The following ANKRD42 variants were observed in gnomAD, a reference collection of about 807,000 sequenced individuals.
ANKRD42 encodes the protein ankyrin repeat domain 42, also known as ankyrin repeat domain-containing protein 42.
A neutral mutation model predicts 51.5 loss-of-function variants in ANKRD42; 43 were observed. The observed-to-expected ratio is 0.83, with a 90% CI of 0.65 to 1.08. The LOEUF (loss-of-function observed/expected upper bound fraction) is 1.08. Among genes scored for constraint, ANKRD42 ranks in the 50% least tolerant of loss-of-function variants. ANKRD42 has a pLI of 0.00. For synonymous variants in ANKRD42, 203 were observed against 213.0 expected (o/e 0.95, Z 0.41); for missense variants, 608 against 629.3 (o/e 0.97, Z 0.36).
intron 5 of ANKRD42, chr11:83,213,328 G>A (rs1000267114): frequency 1.8e-5 from 29 of 1,583,936 alleles, no homozygotes; most frequent in African/African-American, 8.1e-5. Context: ...CAAAGCCATC[G>A]TGGAAAGAGC....
downstream of ANKRD42, among the ~76,000 whole-genome samples, chr11:83,257,665 T>C (rs750434347): frequency 6.6e-6 from 1 of 152,172 alleles, no homozygotes; most frequent in Non-Finnish European, 1.5e-5. Flanking sequence ...ACCATTTATC[T>C]TCCCTTCTGG....
intron 5 of ANKRD42, among the ~76,000 whole-genome samples, chr11:83,222,280 A>G (rs1862739415): frequency 6.6e-6 from 1 of 152,176 alleles, no homozygotes; most frequent in South Asian, 2.1e-4. Flanking sequence ...ACCCTCTCAA[A>G]AATTTTTATT....
At chr11:83,256,051 C>A in exon 12 of ANKRD42, 1 of 681,668 alleles carries the variant, frequency 1.5e-6, no homozygotes. Flanking sequence ...TGTTCCAATT[C>A]TGATGGCAGA....
Position 83,206,066 on chromosome 11 carries a change from T to C in ANKRD42, c.231T>C (p.His77=), listed in dbSNP as rs374151942. The C allele has an allele frequency of 5.6e-6, 9 of 1,613,052 alleles. No individual in the cohort carries two copies. The highest frequency in any genetic ancestry group is 4.0e-5 in the African/African-American group (3 of 75,014). The change falls in exon 3 of 11, where the codon CAT becomes CAC. Residue 77 remains histidine (H), a synonymous_variant. Coordinates refer to ENST00000533342, the MANE Select transcript of ANKRD42 (RefSeq NM_001300975.2). The stretch of plus-strand genomic sequence containing the variant: ...CATGGTTATTTTCTTAGTGTCTTCA[T>C]TGGCTGCTCTGGCATGGAGCTGATA... ...AAHSGSLECL[H]WLLWHGADIT...
intron 10 of ANKRD42, 132 bp from the exon 11 acceptor site, chr11:83,247,811 A>G (rs1283796045): frequency 1.2e-6 from 1 of 845,086 alleles, no homozygotes; most frequent in African/African-American, 1.7e-5. Flanking sequence ...TAGACCCTTA[A>G]TACATATTTG....
At chr11:83,238,795 A>G (rs563897852) in intron 8 of ANKRD42, among the ~76,000 whole-genome samples, 46 of 150,874 alleles carry the variant, frequency 3.0e-4, no homozygotes, top group African/African-American at 8.8e-4. Flanking sequence ...GTACCATTGC[A>G]CTCCAGTCTG....
intron 7 of ANKRD42, 87 bp from the exon 8 acceptor site, chr11:83,236,317 A>T: frequency 5.0e-6 from 5 of 995,202 alleles, no homozygotes; most frequent in Non-Finnish European, 7.5e-6. Flanking sequence ...GTACTCTATA[A>T]TGGTACTGTC....
At chr11:83,224,230 A>T (rs1366656908) in intron 5 of ANKRD42, among the ~76,000 whole-genome samples, 1 of 152,144 alleles carries the variant, frequency 6.6e-6, no homozygotes, top group African/African-American at 2.4e-5. Context: ...GTGATAAAAT[A>T]TTATAATGTT....
chr11:83,245,432 C>G lies in ANKRD42; in HGVS notation c.1196-66C>G, dbSNP rs991267452. ...AGAGGAAGAATATGCTCAAGAATAC[C>G]AGCACCCAGTGGACACATGAGCTGT... On this transcript the variant is annotated intron_variant, in intron 9 of 10. Coordinates refer to ENST00000533342, the MANE Select transcript of ANKRD42 (RefSeq NM_001300975.2). 20 of 1,485,408 alleles carry G rather than the reference C, an allele frequency of 1.3e-5. 1 individual carries two copies. In the Admixed American group the frequency reaches 1.5e-4, roughly 11 times the overall value. The allele number at this position is 1,485,408 out of a possible 1,614,324, so 92.0% of individuals were successfully genotyped here.
intron 9 of ANKRD42, among the ~76,000 whole-genome samples, chr11:83,245,056 C>T (rs1016645006): frequency 1.3e-5 from 2 of 152,114 alleles, no homozygotes; most frequent in Non-Finnish European, 2.9e-5. Flanking sequence ...AGGCACGTGC[C>T]ACCACACCGG....
intron 6 of ANKRD42, among the ~76,000 whole-genome samples, chr11:83,226,253 C>A (rs540506872): frequency 6.6e-6 from 1 of 152,108 alleles, no homozygotes; most frequent in East Asian, 1.9e-4. Flanking sequence ...ACACACACAA[C>A]TGGAAGTACC....
At chr11:83,245,285 G>T (rs1412519233) in intron 9 of ANKRD42, among the ~76,000 whole-genome samples, 1 of 152,228 alleles carries the variant, frequency 6.6e-6, no homozygotes, top group Non-Finnish European at 1.5e-5. Flanking sequence ...AGCAGGGAAA[G>T]AATCCTCCAT....
chr11:83,197,378 G>A (rs991219997), intron 1 of ANKRD42, among the ~76,000 whole-genome samples: 8 of 152,232 alleles, frequency 5.3e-5, no homozygotes, highest in Non-Finnish European at 8.8e-5. Flanking sequence ...GTTCAGAAAG[G>A]CTTTTTGAGT....
intron 9 of ANKRD42, 90 bp downstream of exon 9, chr11:83,241,024 T>C (rs1863370358): frequency 7.3e-7 from 1 of 1,370,934 alleles, no homozygotes; most frequent in Non-Finnish European, 9.9e-7. Flanking sequence ...TAAAGACAAA[T>C]ACTGCCTACA....
chr11:83,251,232 C>T (rs1863669705), downstream of ANKRD42, among the ~76,000 whole-genome samples: 1 of 152,136 alleles, frequency 6.6e-6, no homozygotes. Flanking sequence ...TCATTTATCA[C>T]CCCTTTCCTA....
intron 3 of ANKRD42, chr11:83,210,009 A>G: frequency 5.5e-6 from 2 of 363,448 alleles, no homozygotes; most frequent in Non-Finnish European, 1.0e-5. Flanking sequence ...ATGTATGGCA[A>G]CTTGAGAATT....
At chr11:83,240,678 A>T in intron 8 of ANKRD42, 81 bp from the exon 9 acceptor site, 1 of 1,497,020 alleles carries the variant, frequency 6.7e-7, no homozygotes, top group Non-Finnish European at 9.2e-7. Context: ...TACAGAGTGT[A>T]ATCCCCTAAG....
Position 83,201,242 on chromosome 11 carries a change from A to G in ANKRD42, c.222+2600A>G, listed in dbSNP as rs146906772. On this transcript the variant is annotated intron_variant, in intron 2 of 10. Transcript: ENST00000533342. Reference sequence around the variant, plus strand: ...TCAACTTCCACTTATGAGTGAGAACATGTGGTGTTTGGTTTTCTGTTCCTG... The same window carrying G: ...TCAACTTCCACTTATGAGTGAGAACGTGTGGTGTTTGGTTTTCTGTTCCTG... 1.9e-3 allele frequency among the ~76,000 whole-genome samples: 286 copies of G among 152,160 alleles called. 7 individuals carry two copies. The East Asian group carries it at 0.05, about 26-fold the overall frequency.
At chr11:83,225,137 G>A in intron 6 of ANKRD42, 82 bp downstream of exon 6, 3 of 1,250,374 alleles carry the variant, frequency 2.4e-6, no homozygotes, top group South Asian at 1.6e-5. Flanking sequence ...CAATGAAATA[G>A]GAAAAGATAT....
Sources: allele counts gnomAD v4.1 joint callset (sites outside exome capture counted in the v4.1 genomes callset), GRCh38; gene constraint gnomAD v4.1.1; transcripts MANE v1.5; gene names NCBI Gene and HGNC (gene_info 2026-07-23, HGNC 2026-07-21).